PICALM: variants seen among roughly 807,000 people sequenced by gnomAD.
PICALM encodes the protein phosphatidylinositol-binding clathrin assembly protein.
A neutral mutation model predicts 80.5 loss-of-function variants in PICALM; 40 were observed. That is an observed-to-expected ratio of 0.50 (90% CI 0.39 to 0.65). The LOEUF is 0.65. Among genes scored for constraint, PICALM ranks in the 30% least tolerant of loss-of-function variants. The pLI is 0.00. For missense variants in PICALM, 676 were observed against 778.9 expected, an observed-to-expected ratio of 0.87 and a Z score of 1.57; for synonymous variants, 288 against 260.3, an observed-to-expected ratio of 1.11 and a Z score of -1.02.
chr11:86,002,808 T>A (rs947506122), intron 9 of PICALM, among the ~76,000 whole-genome samples: 4 of 152,038 alleles, frequency 2.6e-5, no homozygotes, highest in Non-Finnish European at 5.9e-5. Context: ...AGTTCAGGGG[T>A]TCGAGACCAG....
intron 2 of PICALM, among the ~76,000 whole-genome samples, chr11:86,026,733 A>C (rs969614788): frequency 1.3e-5 from 2 of 152,230 alleles, no homozygotes; most frequent in African/African-American, 4.8e-5. Context: ...TTGGCTTTAA[A>C]AAAAAAATAC....
In PICALM at chr11:86,039,485, T is replaced by C. The variant is rs191605432; in HGVS notation, c.131-7874A>G. On this transcript the variant is annotated intron_variant, in intron 1 of 19. Transcript: ENST00000393346. ...AAAAATAATTCTACCATTTGTAAAA[T>C]TGCCAGGTAAAATGACAGCACTTTC... Among the ~76,000 whole-genome samples the C allele has an allele frequency of 1.7e-4, 26 of 152,280 alleles. 1 individual carries two copies. The highest frequency in any genetic ancestry group is 6.8e-3 in the Middle Eastern group (2 of 294).
chr11:85,986,775 TACAC>T (rs949520625), intron 13 of PICALM, among the ~76,000 whole-genome samples: 1 of 151,984 alleles, frequency 6.6e-6, no homozygotes, highest in South Asian at 2.1e-4. Context: ...TTTACAGAAA[TACAC>T]ACACACACAT....
At chr11:86,003,319 C>A (rs1338324247) in intron 9 of PICALM, 47 bp downstream of exon 9, 3 of 1,116,568 alleles carry the variant, frequency 2.7e-6, no homozygotes, top group Non-Finnish European at 4.0e-6. Context: ...TCATCTACTG[C>A]CTCAGAAAAA....
At chr11:85,977,468 T>G (rs2094317973) in intron 17 of PICALM, among the ~76,000 whole-genome samples, 1 of 152,174 alleles carries the variant, frequency 6.6e-6, no homozygotes, top group South Asian at 2.1e-4. Context: ...TGTGTGTTTC[T>G]CATAATGAAA....
chr11:86,044,388 T>C (rs528768674), intron 1 of PICALM, among the ~76,000 whole-genome samples: 1 of 152,234 alleles, frequency 6.6e-6, no homozygotes, highest in Non-Finnish European at 1.5e-5. Flanking sequence ...TCATTCTATA[T>C]CTCACATGTC....
chr11:86,036,475 A>G (rs1254288666), intron 1 of PICALM, among the ~76,000 whole-genome samples: 3 of 152,222 alleles, frequency 2.0e-5, no homozygotes, highest in African/African-American at 7.2e-5. Flanking sequence ...ACACCTTAAG[A>G]AATCTAACCA....
At chr11:85,969,588 T>C (rs2094030242) in intron 19 of PICALM, 18 of 339,210 alleles carry the variant, frequency 5.3e-5, no homozygotes, top group South Asian at 4.2e-4. Context: ...TCGGCTAGCA[T>C]TCTACGGACA....
chr11:86,040,488 G>T (rs957728398), intron 1 of PICALM, among the ~76,000 whole-genome samples: 3 of 152,070 alleles, frequency 2.0e-5, no homozygotes, highest in African/African-American at 7.2e-5. Flanking sequence ...ACAGATGTGA[G>T]CCACCGCACT....
chr11:86,044,951 A>G (rs996771848), intron 1 of PICALM, among the ~76,000 whole-genome samples: 1 of 152,200 alleles, frequency 6.6e-6, no homozygotes, highest in African/African-American at 2.4e-5. Context: ...CTTGGTGCCA[A>G]AAAGGTTGGG....
At chr11:86,066,412 G>C (rs529942619) in intron 1 of PICALM, among the ~76,000 whole-genome samples, 2 of 152,236 alleles carry the variant, frequency 1.3e-5, no homozygotes, top group South Asian at 4.1e-4. Flanking sequence ...TTCCAAAAAC[G>C]TGGGAGCTTG....
intron 1 of PICALM, among the ~76,000 whole-genome samples, chr11:86,042,626 G>A (rs546604887): frequency 1.7e-4 from 25 of 146,102 alleles, no homozygotes; most frequent in Non-Finnish European, 1.5e-4. Flanking sequence ...CTTACTAACT[G>A]TTCGTTAGCC....
At chr11:86,050,093 T>C (rs962292625) in intron 1 of PICALM, among the ~76,000 whole-genome samples, 2 of 149,674 alleles carry the variant, frequency 1.3e-5, no homozygotes, top group Non-Finnish European at 3.0e-5. Flanking sequence ...TAATCCCAGC[T>C]ACTCAGGAGG....
chr11:86,056,863 G>A (rs80333693), intron 1 of PICALM, among the ~76,000 whole-genome samples: 28,827 of 152,156 alleles, frequency 0.19, 3,035 homozygotes, highest in Middle Eastern at 0.24. Flanking sequence ...GTACTGATAT[G>A]TGCTACAAGG....
At chr11:86,010,510 A>G (rs1297723719) in intron 7 of PICALM, among the ~76,000 whole-genome samples, 3 of 152,028 alleles carry the variant, frequency 2.0e-5, no homozygotes, top group Non-Finnish European at 4.4e-5. Context: ...TATCTTTAGT[A>G]TAGACGGGAT....
chr11:86,024,443 C>CTT (rs11452201), intron 3 of PICALM, among the ~76,000 whole-genome samples: 50 of 137,678 alleles, frequency 3.6e-4, no homozygotes, highest in South Asian at 3.5e-3. Flanking sequence ...TTCCCCTGAT[C>CTT]TTTTTTTTTT....
At chr11:85,974,417 A>C in intron 19 of PICALM, 1 of 548,846 alleles carries the variant, frequency 1.8e-6, no homozygotes, top group Non-Finnish European at 3.6e-6. Context: ...CTACACCAGA[A>C]TCACGAAGAG....
intron 19 of PICALM, among the ~76,000 whole-genome samples, chr11:85,970,991 A>G (rs533122892): frequency 2.0e-5 from 3 of 152,330 alleles, no homozygotes; most frequent in African/African-American, 7.2e-5. Context: ...TGTAGAATGC[A>G]AGGAGAAGGG....
chr11:86,030,976 G>A (rs2095741334), intron 2 of PICALM, among the ~76,000 whole-genome samples: 1 of 152,112 alleles, frequency 6.6e-6, no homozygotes, highest in African/African-American at 2.4e-5. Flanking sequence ...AAATAAGCCA[G>A]GCATGGTAGC....
Sources: gnomAD v4.1 joint callset for allele counts (sites outside exome capture counted in the v4.1 genomes callset) on GRCh38, gnomAD v4.1.1 for gene constraint, MANE v1.5 for transcripts, NCBI Gene and HGNC (gene_info 2026-07-23, HGNC 2026-07-21) for gene names.